COMMD1: variants seen among roughly 807,000 people sequenced by gnomAD.
COMMD1 encodes copper metabolism domain containing 1.
Under a neutral mutation model 17.2 loss-of-function variants are expected in COMMD1, and 10 were observed. That is an observed-to-expected ratio of 0.58 (90% CI 0.36 to 0.99). The LOEUF (loss-of-function observed/expected upper bound fraction) is 0.99. Among genes scored for constraint, COMMD1 ranks in the 50% least tolerant of loss-of-function variants. COMMD1 has a pLI of 0.01. For missense variants in COMMD1, 270 were observed against 231.8 expected, an observed-to-expected ratio of 1.17 and a Z score of -1.07; for synonymous variants, 97 against 91.6, an observed-to-expected ratio of 1.06 and a Z score of -0.34.
At chr2:62,072,323 A>G (rs1228716145) in intron 2 of COMMD1, among the ~76,000 whole-genome samples, 1 of 151,980 alleles carries the variant, frequency 6.6e-6, no homozygotes, top group African/African-American at 2.4e-5. Context: ...TAACCAATCA[A>G]ATGGTGCTGT....
chr2:61,997,292 G>A (rs1355477962), intron 1 of COMMD1, among the ~76,000 whole-genome samples: 5 of 151,426 alleles, frequency 3.3e-5, no homozygotes, highest in Non-Finnish European at 7.4e-5. Context: ...GAACTCCCAG[G>A]CTCAAGCAAT....
At chr2:61,919,239 C>T (rs1670123039) in intron 1 of COMMD1, among the ~76,000 whole-genome samples, 1 of 152,122 alleles carries the variant, frequency 6.6e-6, no homozygotes, top group Non-Finnish European at 1.5e-5. Flanking sequence ...CTCGAACTCC[C>T]AAGCTCAGGT....
chr2:61,917,906 G>GA (rs1432040655), intron 1 of COMMD1, among the ~76,000 whole-genome samples: 9 of 152,178 alleles, frequency 5.9e-5, no homozygotes, highest in African/African-American at 2.2e-4. Context: ...AGAATATATA[G>GA]TCTTAAAGTG....
At chr2:62,081,884 C>CT (rs900441371) in intron 2 of COMMD1, among the ~76,000 whole-genome samples, 113 of 152,046 alleles carry the variant, frequency 7.4e-4, no homozygotes, top group Middle Eastern at 3.4e-3. Context: ...AGGTTTCCTG[C>CT]TTTTTTTAGA....
rs1672856616 is a variant in COMMD1, at chr2:62,125,277, T to C, written c.463-10554T>C. ...TGCTCTGTTCATTTATTAGAGTAAATTCTGTTACTTCCTGCAGACTCTATC... is the reference window on the plus strand; with the variant it reads ...TGCTCTGTTCATTTATTAGAGTAAACTCTGTTACTTCCTGCAGACTCTATC... On this transcript the variant is annotated intron_variant, in intron 2 of 2. Coordinates refer to ENST00000311832, the MANE Select transcript of COMMD1 (RefSeq NM_152516.4). 2.6e-5 allele frequency among the ~76,000 whole-genome samples: 4 copies of C among 152,212 alleles called. 1 individual carries two copies. In the South Asian group the frequency reaches 6.2e-4, roughly 24 times the overall value.
At chr2:62,131,796 G>A (rs1443161498) in intron 2 of COMMD1, among the ~76,000 whole-genome samples, 2 of 151,776 alleles carry the variant, frequency 1.3e-5, no homozygotes, top group Admixed American at 6.6e-5. Flanking sequence ...ACCTGCCTCA[G>A]CCTCCCAAAG....
At chr2:62,125,483 G>A (rs1279693162) in intron 2 of COMMD1, among the ~76,000 whole-genome samples, 5 of 152,002 alleles carry the variant, frequency 3.3e-5, no homozygotes, top group African/African-American at 9.7e-5. Flanking sequence ...TGTTTTGTTA[G>A]CATGCTCTCT....
In COMMD1 at chr2:62,010,524, T is replaced by G. The variant is rs545995752; in HGVS notation, c.462+9542T>G. ...TTCTCCCCTAAATTTCAGATACATATTTATGACATACTGGAGATCCTGACT... is the reference window on the plus strand; with the variant it reads ...TTCTCCCCTAAATTTCAGATACATAGTTATGACATACTGGAGATCCTGACT... On this transcript the variant is annotated intron_variant, in intron 2 of 2. Transcript: ENST00000311832. Among the ~76,000 whole-genome samples, 7 of 152,290 alleles carry G rather than the reference T, an allele frequency of 4.6e-5. No individual in the cohort carries two copies. The South Asian group carries it at 6.2e-4, about 14-fold the overall frequency.
chr2:62,096,519 GT>G (rs1043806502), intron 2 of COMMD1, among the ~76,000 whole-genome samples: 8 of 152,102 alleles, frequency 5.3e-5, no homozygotes, highest in East Asian at 1.9e-4. Context: ...TCTGTGTGTT[GT>G]TTTTTTCCCC....
intron 1 of COMMD1, among the ~76,000 whole-genome samples, chr2:61,921,996 A>G (rs1033837929): frequency 6.6e-6 from 1 of 152,198 alleles, no homozygotes; most frequent in Non-Finnish European, 1.5e-5. Flanking sequence ...ATTCTGTAGA[A>G]TATTTTGGAT....
intron 1 of COMMD1, among the ~76,000 whole-genome samples, chr2:61,974,899 C>T (rs1034742379): frequency 6.6e-6 from 1 of 151,812 alleles, no homozygotes; most frequent in Admixed American, 6.6e-5. Context: ...TTTACATTAG[C>T]GTTCACTCTG....
At chr2:62,027,851 A>G (rs1427903652) in intron 2 of COMMD1, among the ~76,000 whole-genome samples, 1 of 151,890 alleles carries the variant, frequency 6.6e-6, no homozygotes, top group African/African-American at 2.4e-5. Context: ...TTTTGAAGAG[A>G]CAATTTCTTG....
chr2:62,108,514 T>G (rs1672375306), intron 2 of COMMD1, among the ~76,000 whole-genome samples: 1 of 152,092 alleles, frequency 6.6e-6, no homozygotes, highest in African/African-American at 2.4e-5. Flanking sequence ...TGGTAAATTG[T>G]GGGAAGGTAA....
At chr2:61,983,661 C>T (rs1044240276) in intron 1 of COMMD1, among the ~76,000 whole-genome samples, 5 of 152,164 alleles carry the variant, frequency 3.3e-5, no homozygotes, top group Non-Finnish European at 1.5e-5. Flanking sequence ...TCTAATCCTT[C>T]AGTTTCTGCG....
rs141561387 is a variant in COMMD1, at chr2:61,899,085, G to A, written n.119+10243G>A. On this transcript the variant is annotated intron_variant and non_coding_transcript_variant, in intron 1 of 2. Transcript: ENST00000472729. The stretch of plus-strand genomic sequence containing the variant: ...GCTCAGGCAGGCAGTAATATGTCCA[G>A]TGATATGTGGCAGAATATGCTATCC... Among the ~76,000 whole-genome samples, 89 of 152,286 alleles carry A rather than the reference G, an allele frequency of 5.8e-4. 4 individuals carry two copies. The highest frequency in any genetic ancestry group is 2.0e-3 in the African/African-American group (85 of 41,568).
chr2:62,018,922 G>A (rs2103850131), intron 2 of COMMD1, among the ~76,000 whole-genome samples: 1 of 152,258 alleles, frequency 6.6e-6, no homozygotes, highest in Admixed American at 6.5e-5. Flanking sequence ...TGCCAAGAGG[G>A]TGCCTTGAAT....
intron 1 of COMMD1, among the ~76,000 whole-genome samples, chr2:61,963,185 T>TATTA (rs1422002132): frequency 8.2e-4 from 106 of 129,788 alleles, no homozygotes; most frequent in African/African-American, 2.7e-3. Context: ...TATATATATA[T>TATTA]TATATACACA....
chr2:61,917,458 A>G (rs1670079098), intron 1 of COMMD1, among the ~76,000 whole-genome samples: 1 of 152,136 alleles, frequency 6.6e-6, no homozygotes, highest in South Asian at 2.1e-4. Flanking sequence ...GGCATTATTA[A>G]TGAATGGTAT....
chr2:61,998,556 G>A (rs545871334), intron 1 of COMMD1, among the ~76,000 whole-genome samples: 6 of 152,082 alleles, frequency 3.9e-5, no homozygotes, highest in Non-Finnish European at 7.4e-5. Context: ...CACTGCGCCC[G>A]GCTGTGTTTT....
Sources: gnomAD v4.1 joint callset for allele counts (sites outside exome capture counted in the v4.1 genomes callset) on GRCh38, gnomAD v4.1.1 for gene constraint, MANE v1.5 for transcripts, NCBI Gene and HGNC (gene_info 2026-07-23, HGNC 2026-07-21) for gene names.